The following GARNL3 variants were observed in gnomAD, a reference collection of about 807,000 sequenced individuals.
The protein encoded by GARNL3 is GTPase-activating Rap/Ran-GAP domain-like protein 3.
Under a neutral mutation model 125.0 loss-of-function variants are expected in GARNL3, and 63 were observed. The ratio of observed to expected loss-of-function variants is 0.50; its 90% CI spans 0.41 to 0.62. The LOEUF is 0.62. GARNL3 is among the 20% of genes least tolerant of loss of function. The pLI is 0.00. For synonymous variants in GARNL3, 439 were observed against 457.5 expected (o/e 0.96, Z 0.52); for missense variants, 994 against 1,244.0 (o/e 0.80, Z 3.02).
chr9:127,305,582 T>G (rs1177527509), intron 2 of GARNL3, among the ~76,000 whole-genome samples: 18 of 151,932 alleles, frequency 1.2e-4, no homozygotes, highest in Admixed American at 1.2e-3. Flanking sequence ...TTTTAATTTT[T>G]TTTCTTAAGA....
At chr9:127,311,439 C>T (rs1047636582) in intron 2 of GARNL3, among the ~76,000 whole-genome samples, 197 bp from the exon 3 acceptor site, 2 of 152,172 alleles carry the variant, frequency 1.3e-5, no homozygotes, top group African/African-American at 4.8e-5. Flanking sequence ...ATTTTTCCTA[C>T]ACCCCAAAGG....
At chr9:127,342,436 G>T (rs1829911745) in intron 14 of GARNL3, 102 bp downstream of exon 14, 7 of 775,940 alleles carry the variant, frequency 9.0e-6, no homozygotes, top group Middle Eastern at 2.3e-4. Context: ...AGCGTAGGAG[G>T]CGCCTTGATC....
intron 9 of GARNL3, among the ~76,000 whole-genome samples, chr9:127,334,148 G>A (rs188157049): frequency 3.2e-4 from 49 of 152,314 alleles, no homozygotes; most frequent in Middle Eastern, 3.4e-3. Context: ...GGTGAGATTG[G>A]AAACACCTGA....
In GARNL3 at chr9:127,341,977, G is replaced by A. The variant is rs191685207; in HGVS notation, c.1136-242G>A. Among the ~76,000 whole-genome samples the A allele has an allele frequency of 2.3e-3, 347 of 152,224 alleles. 3 individuals carry two copies. The highest frequency in any genetic ancestry group is 7.6e-3 in the African/African-American group (315 of 41,524). ...GGAATTCCAAAGTGGATTGAGCAGCGAGGTTGAAAACTCTGAGATTACAGG... is the reference window on the plus strand; with the variant it reads ...GGAATTCCAAAGTGGATTGAGCAGCAAGGTTGAAAACTCTGAGATTACAGG... On this transcript the variant is annotated intron_variant, in intron 13 of 27. Transcript: ENST00000373387.
chr9:127,256,278 T>C (rs1010752602), intron 2 of GARNL3, among the ~76,000 whole-genome samples: 4 of 152,096 alleles, frequency 2.6e-5, no homozygotes, highest in African/African-American at 9.7e-5. Flanking sequence ...AACATCATAC[T>C]TCATAGGAAC....
At chr9:127,342,872 AG>A (rs1247519032) in intron 14 of GARNL3, among the ~76,000 whole-genome samples, 61 of 149,526 alleles carry the variant, frequency 4.1e-4, no homozygotes, top group African/African-American at 1.5e-3. Context: ...CTATCACTTC[AG>A]GTGCACATGT....
chr9:127,384,921 G>A lies in GARNL3; in HGVS notation c.2270-106G>A. Reference sequence around the variant, plus strand: ...GAAGGAGAGAAGCAGCCAGAGGAATGAGAGATGGAAGTTTCTAGAGAAGTG... The same window carrying A: ...GAAGGAGAGAAGCAGCCAGAGGAATAAGAGATGGAAGTTTCTAGAGAAGTG... On this transcript the variant is annotated intron_variant, in intron 23 of 27. Transcript: ENST00000373387. This position sits in a 1 kb window ranked among gnomAD's most constrained non-coding sequence, Gnocchi z 4.0. 1.7e-6 allele frequency: 1 copy of A among 601,674 alleles called. No homozygotes were observed. Among genetic ancestry groups the A allele is most frequent in the Non-Finnish European group, 3.0e-6 (1 of 335,928 alleles). The allele number at this position is 601,674 out of a possible 1,614,324, so 37.3% of individuals were successfully genotyped here. A position where few individuals can be genotyped will look rare whatever the true frequency, so the allele number is the denominator to read the frequency against.
chr9:127,274,285 G>A (rs1399499832), intron 1 of GARNL3, among the ~76,000 whole-genome samples: 2 of 152,146 alleles, frequency 1.3e-5, no homozygotes, highest in African/African-American at 4.8e-5. Context: ...ACCATCTTGA[G>A]CTCCGAGTGC....
intron 2 of GARNL3, among the ~76,000 whole-genome samples, chr9:127,258,114 G>A (rs1461440186): frequency 6.6e-6 from 1 of 152,046 alleles, no homozygotes; most frequent in Admixed American, 6.5e-5. Flanking sequence ...ACCACTTTAT[G>A]GTTGGTGGAT....
intron 1 of GARNL3, among the ~76,000 whole-genome samples, chr9:127,269,200 A>G (rs542522313): frequency 1.3e-5 from 2 of 152,252 alleles, no homozygotes; most frequent in Non-Finnish European, 2.9e-5. Flanking sequence ...AGGTCTCTCT[A>G]TGTTGTCCAG....
chr9:127,242,939 TG>T lies in GARNL3; in HGVS notation c.-28-137del. The T allele has an allele frequency of 1.7e-6, 1 of 603,834 alleles. No individual in the cohort carries two copies. The highest frequency in any genetic ancestry group is 2.5e-6 in the Non-Finnish European group (1 of 404,426). 37.4% of individuals were successfully genotyped at this position (603,834 alleles called of 1,614,324 possible). On this transcript the variant is annotated intron_variant, in intron 1 of 10. Transcript: ENST00000439286. This position sits in a 1 kb window ranked among gnomAD's most constrained non-coding sequence, Gnocchi z 4.6. ...TCATATGCGGTCTTGGTGGGGCCCC[TG>T]GGTCTTGAGGGTGCTTCAGTGTCAC...
At chr9:127,331,720 C>CTTTTTTTTTTTTTT (rs60448026) in intron 7 of GARNL3, among the ~76,000 whole-genome samples, 12,827 of 72,726 alleles carry the variant, frequency 0.18, 2,457 homozygotes, top group Admixed American at 0.22. Flanking sequence ...CTTGGGCTTG[C>CTTTTTTTTTTTTTT]TTTTTTTTTT....
intron 1 of GARNL3, chr9:127,225,451 G>A: frequency 1.3e-6 from 1 of 778,870 alleles, no homozygotes; most frequent in Non-Finnish European, 1.6e-6. Context: ...CCGGCCACGT[G>A]GGGGGATGGC....
At chr9:127,345,817 G>C (rs1231561624) in intron 16 of GARNL3, among the ~76,000 whole-genome samples, 1 of 152,252 alleles carries the variant, frequency 6.6e-6, no homozygotes, top group Non-Finnish European at 1.5e-5. Context: ...GGTCTGGAGT[G>C]GGGCTGAGAG....
At chr9:127,291,682 G>C (rs2064420991) in intron 2 of GARNL3, among the ~76,000 whole-genome samples, 1 of 151,174 alleles carries the variant, frequency 6.6e-6, no homozygotes, top group African/African-American at 2.4e-5. Flanking sequence ...TACTTTCTGG[G>C]CTCTCTGGGT....
intron 2 of GARNL3, among the ~76,000 whole-genome samples, chr9:127,306,795 T>C (rs1402340184): frequency 2.6e-5 from 4 of 151,088 alleles, no homozygotes; most frequent in African/African-American, 9.7e-5. Context: ...GCTGAGGTAG[T>C]AGAATTGTTT....
intron 21 of GARNL3, among the ~76,000 whole-genome samples, chr9:127,360,073 T>C (rs1189626892): frequency 6.6e-6 from 1 of 152,092 alleles, no homozygotes; most frequent in African/African-American, 2.4e-5. Context: ...CAGGCTGGAG[T>C]GCAGTGGCGC....
At chr9:127,253,791 A>T (rs2063447928) in intron 2 of GARNL3, among the ~76,000 whole-genome samples, 2 of 152,094 alleles carry the variant, frequency 1.3e-5, no homozygotes, top group East Asian at 3.9e-4. Context: ...GGTGTGATGG[A>T]TTTCAATTCA....
At chr9:127,341,938 G>A (rs1189016719) in intron 13 of GARNL3, among the ~76,000 whole-genome samples, 1 of 152,164 alleles carries the variant, frequency 6.6e-6, no homozygotes, top group Admixed American at 6.5e-5. Flanking sequence ...GCAGCCGGCG[G>A]ATCATAGAGT....
Sources: allele counts gnomAD v4.1 joint callset (sites outside exome capture counted in the v4.1 genomes callset), GRCh38; gene constraint gnomAD v4.1.1; non-coding constraint Gnocchi (gnomAD v3.1); transcripts MANE v1.5; gene names NCBI Gene and HGNC (gene_info 2026-07-23, HGNC 2026-07-21).